Variants in SEM1 observed in about 807,000 individuals in gnomAD.
The protein encoded by SEM1 is SEM1 26S proteasome subunit.
SEM1 carries 3 observed loss-of-function variants against 12.7 expected under a neutral mutation model. The ratio of observed to expected loss-of-function variants is 0.24; its 90% CI spans 0.11 to 0.61. The LOEUF is 0.61. Among genes scored for constraint, SEM1 ranks in the 20% least tolerant of loss-of-function variants. SEM1 has a pLI of 0.88. For synonymous variants in SEM1, 30 were observed against 27.8 expected, an observed-to-expected ratio of 1.08 and a Z score of -0.25; for missense variants, 59 against 81.3, an observed-to-expected ratio of 0.73 and a Z score of 1.06.
At chr7:96,601,596 G>A (rs540964634) in intron 2 of SEM1, among the ~76,000 whole-genome samples, 2 of 152,266 alleles carry the variant, frequency 1.3e-5, no homozygotes, top group African/African-American at 4.8e-5. Context: ...GTAGTAAAAA[G>A]TCAGGTGAGT....
chr7:96,492,125 T>A (rs183964870), intron 1 of SEM1, among the ~76,000 whole-genome samples: 27 of 152,304 alleles, frequency 1.8e-4, no homozygotes, highest in Admixed American at 2.6e-4. Context: ...TACATTTCAG[T>A]GGCATTAAGT....
chr7:96,581,023 T>C (rs1806382427), intron 2 of SEM1, among the ~76,000 whole-genome samples: 1 of 152,240 alleles, frequency 6.6e-6, no homozygotes. Flanking sequence ...CTTTTGGTGT[T>C]GTAGACATGA....
At chr7:96,675,128 A>G (rs1287433184) in intron 2 of SEM1, among the ~76,000 whole-genome samples, 1 of 148,938 alleles carries the variant, frequency 6.7e-6, no homozygotes, top group Non-Finnish European at 1.5e-5. Context: ...CAAAAAAGGA[A>G]AAGGTGGAAA....
chr7:96,593,455 C>T (rs1160172767), intron 2 of SEM1, among the ~76,000 whole-genome samples: 1 of 152,140 alleles, frequency 6.6e-6, no homozygotes, highest in East Asian at 1.9e-4. Flanking sequence ...CTCTTACAGC[C>T]ACCTGGAACT....
intron 2 of SEM1, among the ~76,000 whole-genome samples, chr7:96,593,926 A>C (rs557192373): frequency 6.6e-6 from 1 of 152,014 alleles, no homozygotes; most frequent in Admixed American, 6.6e-5. Context: ...TTTTTTTAAT[A>C]AGCAAAACTG....
chr7:96,585,251 G>A (rs1264301013), intron 2 of SEM1, among the ~76,000 whole-genome samples: 6 of 152,204 alleles, frequency 3.9e-5, no homozygotes, highest in Non-Finnish European at 8.8e-5. Context: ...GTCTGCCCCT[G>A]CTGGGGGGTG....
At chr7:96,576,884 G>A (rs745774899) in intron 2 of SEM1, among the ~76,000 whole-genome samples, 8 of 152,164 alleles carry the variant, frequency 5.3e-5, no homozygotes, top group Admixed American at 1.3e-4. Context: ...TTCGGAGGCC[G>A]AGGCGGGTGG....
rs1554430871 is a variant in SEM1 at position 96,659,926 on chromosome 7, A to AAAAC, written c.170+34871_170+34872insGTTT. Among the ~76,000 whole-genome samples, 1,290 of 147,572 alleles carry AAAAC rather than the reference A, an allele frequency of 8.7e-3. 28 individuals carry two copies. The highest frequency in any genetic ancestry group is 0.031 in the African/African-American group (1,199 of 38,564). ...AAAGTAAGATGGCAAAAAAAAAAAA[A>AAAAC]AAAACAAAAACAAGCCCAAATATAT... On this transcript the variant is annotated intron_variant, in intron 2 of 2. Coordinates refer to the SEM1 transcript ENST00000417009.
chr7:96,527,486 T>G (rs1305520880), intron 2 of SEM1, among the ~76,000 whole-genome samples: 1 of 152,084 alleles, frequency 6.6e-6, no homozygotes, highest in Admixed American at 6.6e-5. Context: ...CTATGTGATT[T>G]TACCACTGCA....
intron 2 of SEM1, among the ~76,000 whole-genome samples, chr7:96,575,199 G>C (rs1241886583): frequency 6.6e-6 from 1 of 152,144 alleles, no homozygotes; most frequent in Non-Finnish European, 1.5e-5. Flanking sequence ...CTATTTGTTA[G>C]TTTTCCTTCT....
At chr7:96,694,406 T>TAC (rs1790027063) in intron 2 of SEM1, among the ~76,000 whole-genome samples, 1 of 151,976 alleles carries the variant, frequency 6.6e-6, no homozygotes, top group Admixed American at 6.6e-5. Context: ...TATGACACAG[T>TAC]ACATTCTCAC....
At chr7:96,682,926 A>AT (rs1433635693) in intron 2 of SEM1, among the ~76,000 whole-genome samples, 1 of 152,226 alleles carries the variant, frequency 6.6e-6, no homozygotes, top group Non-Finnish European at 1.5e-5. Context: ...AAAAGAAGAC[A>AT]TTTATGCAGC....
intron 2 of SEM1, among the ~76,000 whole-genome samples, chr7:96,679,902 C>T (rs1274120598): frequency 5.3e-5 from 8 of 152,052 alleles, no homozygotes; most frequent in Non-Finnish European, 7.4e-5. Context: ...TGGTGCCCTG[C>T]CCTTATTTCT....
chr7:96,568,899 C>G (rs1439359314), intron 2 of SEM1, among the ~76,000 whole-genome samples: 6 of 151,770 alleles, frequency 4.0e-5, no homozygotes, highest in Non-Finnish European at 1.5e-5. Flanking sequence ...GAATTTTTAG[C>G]AAGATGTTAA....
chr7:96,567,867 G>A (rs1369369690), intron 2 of SEM1, among the ~76,000 whole-genome samples: 1 of 150,726 alleles, frequency 6.6e-6, no homozygotes, highest in Non-Finnish European at 1.5e-5. Context: ...GGATTCTGTT[G>A]GCTAATATAT....
At chr7:96,553,496 G>T (rs1369008013) in intron 2 of SEM1, among the ~76,000 whole-genome samples, 2 of 150,006 alleles carry the variant, frequency 1.3e-5, no homozygotes. Flanking sequence ...TCAAAGATCA[G>T]ATAGTTGTAG....
chr7:96,666,422 A>T (rs1399691955), intron 2 of SEM1, among the ~76,000 whole-genome samples: 1 of 152,176 alleles, frequency 6.6e-6, no homozygotes, highest in Non-Finnish European at 1.5e-5. Context: ...AAATGTGAAA[A>T]TTAAAACCTA....
chr7:96,525,673 C>G (rs895919434), intron 2 of SEM1, among the ~76,000 whole-genome samples: 2 of 152,094 alleles, frequency 1.3e-5, no homozygotes, highest in African/African-American at 4.8e-5. Context: ...GTCTCCACCC[C>G]TGGCCCCAGG....
At chr7:96,565,252 A>C (rs1236309451) in intron 2 of SEM1, among the ~76,000 whole-genome samples, 1 of 151,940 alleles carries the variant, frequency 6.6e-6, no homozygotes, top group African/African-American at 2.4e-5. Context: ...AAGTCCCCCA[A>C]ATAGGCTAAT....
Sources: allele counts gnomAD v4.1 joint callset (sites outside exome capture counted in the v4.1 genomes callset), GRCh38; gene constraint gnomAD v4.1.1; transcripts MANE v1.5; gene names NCBI Gene and HGNC (gene_info 2026-07-23, HGNC 2026-07-21).